Variants in ZNF365 observed in about 807,000 individuals in gnomAD.
ZNF365 encodes zinc finger protein 365.
Under a neutral mutation model 35.0 loss-of-function variants are expected in ZNF365, and 22 were observed. That is an observed-to-expected ratio of 0.63 (90% CI 0.45 to 0.90). The LOEUF is 0.90. ZNF365 is among the 40% of genes least tolerant of loss of function. The pLI is 0.00. For synonymous variants in ZNF365, 188 were observed against 196.2 expected (o/e 0.96, Z 0.35); for missense variants, 448 against 500.3 (o/e 0.90, Z 1.00).
chr10:62,395,871 T>G (rs749714086), intron 3 of ZNF365, among the ~76,000 whole-genome samples: 1 of 152,170 alleles, frequency 6.6e-6, no homozygotes, highest in Non-Finnish European at 1.5e-5. Context: ...TGTACTTAGG[T>G]TGGCTTTTAG....
intron 4 of ZNF365, among the ~76,000 whole-genome samples, chr10:62,469,270 T>A (rs2132488518): frequency 6.6e-6 from 1 of 152,354 alleles, no homozygotes; most frequent in South Asian, 2.1e-4. Context: ...ATGTTTCTAC[T>A]CATTCCTCTC....
chr10:62,430,681 C>T (rs937703354), intron 3 of ZNF365, among the ~76,000 whole-genome samples: 4 of 152,148 alleles, frequency 2.6e-5, no homozygotes, highest in Admixed American at 2.0e-4. Flanking sequence ...CATTCCTCAG[C>T]CATCATCAAA....
At chr10:62,398,704 T>A in intron 3 of ZNF365, 36 bp from the exon 4 acceptor site, 1 of 1,598,130 alleles carries the variant, frequency 6.3e-7, no homozygotes, top group Non-Finnish European at 8.5e-7. Context: ...AGTCCTCAAA[T>A]GCAGTTAACA....
intron 4 of ZNF365, among the ~76,000 whole-genome samples, chr10:62,471,331 A>C (rs967363996): frequency 6.7e-6 from 1 of 148,256 alleles, no homozygotes; most frequent in Admixed American, 6.8e-5. Context: ...GTGCCACTGC[A>C]TTCCAGCCTG....
rs1021105585 is a variant in ZNF365 at position 62,374,429 on chromosome 10, G to A, written c.-43G>A. The A allele has an allele frequency of 2.0e-5, 2 of 101,762 alleles. No individual in the cohort carries two copies. Among genetic ancestry groups the A allele is most frequent in the African/African-American group, 5.5e-5 (2 of 36,328 alleles). The allele number at this position is 101,762 out of a possible 1,614,324, so 6.3% of individuals were successfully genotyped here. ...TCCCGCAGCATCAGCACCGGAGGCG[G>A]CGGCTGCAGCAGCAGCAGCAACAAG... On this transcript the variant is annotated 5_prime_UTR_variant, in exon 1 of 5. Transcript: ENST00000395254.
intron 2 of ZNF365, among the ~76,000 whole-genome samples, chr10:62,382,238 C>T (rs993998740): frequency 3.3e-5 from 5 of 152,108 alleles, no homozygotes; most frequent in African/African-American, 1.2e-4. Context: ...GCTAAAGCAG[C>T]GACTAAGCAA....
Position 62,459,795 on chromosome 10 carries a change from G to T in ZNF365, c.979G>T (p.Glu327Ter). 6.2e-7 allele frequency: 1 copy of T among 1,608,630 alleles called. No homozygotes were observed. The highest frequency in any genetic ancestry group is 8.5e-7 in the Non-Finnish European group (1 of 1,177,884). Reference sequence around the variant, plus strand: ...GGTGTGCCAAAATGACCTGGAATTGGAGGTAAAGCCACCACCTGGGTGGGT... The same window carrying T: ...GGTGTGCCAAAATGACCTGGAATTGTAGGTAAAGCCACCACCTGGGTGGGT... Residue 327 changes from glutamate to a stop codon, truncating the protein, a stop_gained and splice_region_variant, in exon 4 of 5, where the codon GAG (glutamate) becomes TAG (stop). Coordinates refer to the ZNF365 transcript ENST00000395255. LOFTEE classifies it high-confidence loss of function.
At chr10:62,446,851 G>A (rs563880878) in intron 3 of ZNF365, among the ~76,000 whole-genome samples, 149 of 152,246 alleles carry the variant, frequency 9.8e-4, no homozygotes, top group Non-Finnish European at 1.6e-3. Context: ...TAGTTTTGAT[G>A]TGTGGGAGGC....
At position 62,377,041 on chromosome 10, in the gene ZNF365, C is replaced by A. The variant is rs931603583; in HGVS notation, c.743+105C>A. On this transcript the variant is annotated intron_variant, in intron 2 of 4. Transcript: ENST00000395254. The stretch of plus-strand genomic sequence containing the variant: ...GGTTGATTTTTGCTATTTGCAGGTG[C>A]CTTGACTGCATTTCTTATTGATATA... 7 of 1,397,088 alleles carry A rather than the reference C, an allele frequency of 5.0e-6. No homozygotes were observed. In the Admixed American group the frequency reaches 7.4e-5, roughly 15 times the overall value. The allele number at this position is 1,397,088 out of a possible 1,614,324, so 86.5% of individuals were successfully genotyped here.
At chr10:62,392,097 GT>G (rs1167896505) in intron 3 of ZNF365, among the ~76,000 whole-genome samples, 1 of 152,032 alleles carries the variant, frequency 6.6e-6, no homozygotes, top group African/African-American at 2.4e-5. Flanking sequence ...TGATGGGATT[GT>G]TTTTTTCTTG....
At chr10:62,477,564 A>C (rs1841153454) in intron 4 of ZNF365, among the ~76,000 whole-genome samples, 1 of 152,188 alleles carries the variant, frequency 6.6e-6, no homozygotes, top group African/African-American at 2.4e-5. Context: ...TAATATTATT[A>C]GCACCGTTTA....
chr10:62,427,935 A>G (rs1840274772), intron 3 of ZNF365, among the ~76,000 whole-genome samples: 2 of 152,218 alleles, frequency 1.3e-5, no homozygotes, highest in South Asian at 4.1e-4. Flanking sequence ...ACTTGGACAC[A>G]GAGGAAAATT....
chr10:62,418,584 G>A (rs539915798), intron 3 of ZNF365, among the ~76,000 whole-genome samples: 20 of 142,382 alleles, frequency 1.4e-4, no homozygotes, highest in African/African-American at 4.8e-4. Context: ...AAGTCAATTA[G>A]ATGTTTATAA....
intron 3 of ZNF365, among the ~76,000 whole-genome samples, chr10:62,407,880 C>G (rs1839928003): frequency 1.3e-5 from 2 of 151,770 alleles, no homozygotes; most frequent in African/African-American, 4.9e-5. Context: ...CTTAACACAG[C>G]CTTAACCAGC....
intron 2 of ZNF365, among the ~76,000 whole-genome samples, chr10:62,384,023 A>T (rs1482083229): frequency 1.4e-5 from 2 of 139,276 alleles, no homozygotes; most frequent in Non-Finnish European, 1.6e-5. Flanking sequence ...TTGTACTGGT[A>T]TTTTTTTTTT....
rs369039750 is a variant in ZNF365, at chr10:62,399,511, C to G, written c.963-17C>G. On this transcript the variant is annotated splice_polypyrimidine_tract_variant and intron_variant, in intron 4 of 4. Coordinates refer to ENST00000395254, the MANE Select transcript of ZNF365 (RefSeq NM_014951.3). ...TCTGCTCATCTCTTCTCCACTCCCCCCTCCAACCCTCTGTAGAAGCCGAGG... is the reference window on the plus strand; with the variant it reads ...TCTGCTCATCTCTTCTCCACTCCCCGCTCCAACCCTCTGTAGAAGCCGAGG... The G allele has an allele frequency of 4.4e-5, 71 of 1,611,056 alleles. 1 individual carries two copies. Among genetic ancestry groups the G allele is most frequent in the South Asian group, 2.6e-4 (24 of 90,976 alleles).
chr10:62,473,935 A>G (rs1237957642), intron 4 of ZNF365, among the ~76,000 whole-genome samples: 1 of 152,168 alleles, frequency 6.6e-6, no homozygotes, highest in East Asian at 1.9e-4. Flanking sequence ...AGTTTGAGGG[A>G]TGGGCACCCC....
intron 2 of ZNF365, among the ~76,000 whole-genome samples, chr10:62,379,682 T>C (rs1032121449): frequency 6.6e-6 from 1 of 152,168 alleles, no homozygotes; most frequent in Non-Finnish European, 1.5e-5. Flanking sequence ...CAGAGGGAGC[T>C]GCCCACCTGT....
chr10:62,403,989 A>C (rs530001539), downstream of ZNF365, among the ~76,000 whole-genome samples: 3 of 152,312 alleles, frequency 2.0e-5, no homozygotes, highest in Middle Eastern at 3.4e-3. Context: ...GAATTAAGTA[A>C]ATTTTTTCTT....
Sources: allele counts gnomAD v4.1 joint callset (sites outside exome capture counted in the v4.1 genomes callset), GRCh38; gene constraint gnomAD v4.1.1; transcripts MANE v1.5; gene names NCBI Gene and HGNC (gene_info 2026-07-23, HGNC 2026-07-21).